BRINP3: variants seen among roughly 807,000 people sequenced by gnomAD.
The protein encoded by BRINP3 is BMP/retinoic acid-inducible neural-specific protein 3.
A neutral mutation model predicts 71.0 loss-of-function variants in BRINP3; 19 were observed. The observed-to-expected ratio is 0.27, with a 90% confidence interval of 0.19 to 0.39. The LOEUF is 0.39. Ranked by LOEUF, BRINP3 falls within the 10% of genes least tolerant of loss-of-function variation. BRINP3 has a pLI of 1.00. For synonymous variants in BRINP3, 380 were observed against 337.7 expected, an observed-to-expected ratio of 1.13 and a Z score of -1.37; for missense variants, 959 against 940.8, an observed-to-expected ratio of 1.02 and a Z score of -0.25.
intron 2 of BRINP3, among the ~76,000 whole-genome samples, chr1:190,414,263 T>C (rs1002592557): frequency 6.6e-6 from 1 of 152,150 alleles, no homozygotes; most frequent in Non-Finnish European, 1.5e-5. Flanking sequence ...CCCAGTGAAG[T>C]GCCATGTGTA....
At chr1:190,256,163 T>A (rs1481107571) in intron 4 of BRINP3, among the ~76,000 whole-genome samples, 3 of 152,190 alleles carry the variant, frequency 2.0e-5, no homozygotes, top group African/African-American at 7.2e-5. Context: ...TCTTTTCCAT[T>A]TGCTGAGGAG....
chr1:190,111,103 G>A (rs980250168), intron 7 of BRINP3, among the ~76,000 whole-genome samples: 34 of 149,752 alleles, frequency 2.3e-4, no homozygotes, highest in African/African-American at 6.9e-4. Context: ...GAGTGAACCC[G>A]GGAGGCGGAG....
chr1:190,192,736 A>G (rs1187351059), intron 6 of BRINP3, among the ~76,000 whole-genome samples: 1 of 152,124 alleles, frequency 6.6e-6, no homozygotes, highest in Non-Finnish European at 1.5e-5. Context: ...AACTGTGACA[A>G]CAGGATAAAT....
At chr1:190,470,843 G>C in intron 1 of BRINP3, among the ~76,000 whole-genome samples, 1 of 150,986 alleles carries the variant, frequency 6.6e-6, no homozygotes, top group East Asian at 1.9e-4. Context: ...CAATTTTTGG[G>C]AAAAGATATT....
chr1:190,191,772 G>C (rs1654057880), intron 6 of BRINP3, among the ~76,000 whole-genome samples: 1 of 151,950 alleles, frequency 6.6e-6, no homozygotes, highest in Non-Finnish European at 1.5e-5. Flanking sequence ...TAAAGTTTGA[G>C]AACCAGTGTC....
chr1:190,279,500 G>A (rs1662876284), intron 3 of BRINP3, among the ~76,000 whole-genome samples: 1 of 151,866 alleles, frequency 6.6e-6, no homozygotes, highest in Admixed American at 6.6e-5. Context: ...GACGGGGAGG[G>A]AGAATCAGGA....
intron 6 of BRINP3, among the ~76,000 whole-genome samples, chr1:190,195,988 G>A (rs1261003505): frequency 6.6e-6 from 1 of 152,066 alleles, no homozygotes; most frequent in African/African-American, 2.4e-5. Context: ...TAAGATAACT[G>A]TTGGCAGTTG....
At chr1:190,363,109 T>A (rs1669255982) in intron 2 of BRINP3, among the ~76,000 whole-genome samples, 1 of 152,086 alleles carries the variant, frequency 6.6e-6, no homozygotes, top group Non-Finnish European at 1.5e-5. Flanking sequence ...AAAGGAAGAA[T>A]GACTGATGTT....
chr1:190,289,549 A>G (rs1663696606), intron 2 of BRINP3, among the ~76,000 whole-genome samples: 1 of 152,124 alleles, frequency 6.6e-6, no homozygotes, highest in East Asian at 1.9e-4. Context: ...ACCTTTCAGT[A>G]TGAATCAGGC....
chr1:190,130,205 T>C (rs1328864642), intron 7 of BRINP3, among the ~76,000 whole-genome samples: 1 of 152,004 alleles, frequency 6.6e-6, no homozygotes, highest in African/African-American at 2.4e-5. Flanking sequence ...GCCTCCTTTT[T>C]ATTAATTGAC....
intron 2 of BRINP3, among the ~76,000 whole-genome samples, chr1:190,369,404 A>C (rs1206649344): frequency 6.6e-6 from 1 of 152,106 alleles, no homozygotes; most frequent in Non-Finnish European, 1.5e-5. Context: ...TAATATAATT[A>C]AGCTTTAAAT....
intron 2 of BRINP3, chr1:190,342,561 A>G (rs992211114): frequency 6.6e-6 from 1 of 151,202 alleles, no homozygotes; most frequent in African/African-American, 2.4e-5. Flanking sequence ...ATATATATAT[A>G]TATTTCCAAG....
At chr1:190,303,254 T>C (rs994124736) in intron 2 of BRINP3, among the ~76,000 whole-genome samples, 3 of 151,798 alleles carry the variant, frequency 2.0e-5, no homozygotes, top group African/African-American at 7.2e-5. Flanking sequence ...TAAACATAAA[T>C]TAAATGATAT....
intron 1 of BRINP3, among the ~76,000 whole-genome samples, chr1:190,477,195 G>A (rs921914117): frequency 1.3e-5 from 2 of 152,100 alleles, no homozygotes; most frequent in Non-Finnish European, 2.9e-5. Flanking sequence ...TAATATAAAT[G>A]AGGACAAATA....
rs369786185 is a variant in BRINP3, at chr1:190,203,421, GTA to G, written c.961+22659_961+22660del. 3.7e-3 allele frequency among the ~76,000 whole-genome samples: 537 copies of G among 144,548 alleles called. 2 individuals carry two copies. The highest frequency in any genetic ancestry group is 0.021 in the East Asian group (104 of 4,900). The allele number at this position is 144,548 out of a possible 152,430, so 94.8% of individuals were successfully genotyped here. On this transcript the variant is annotated intron_variant, in intron 6 of 7. Transcript: ENST00000367462. ...CAAATATATATATGTATGTGTGTGT[GTA>G]TATATATATATATATGTATGTGTGT...
chr1:190,296,492 C>T (rs1056461821), intron 2 of BRINP3, among the ~76,000 whole-genome samples: 5 of 152,064 alleles, frequency 3.3e-5, no homozygotes, highest in African/African-American at 1.2e-4. Flanking sequence ...AAAGCTTTTC[C>T]TTTTTAAGAT....
At chr1:190,435,147 C>T (rs1674373759) in intron 2 of BRINP3, among the ~76,000 whole-genome samples, 1 of 152,230 alleles carries the variant, frequency 6.6e-6, no homozygotes, top group South Asian at 2.1e-4. Context: ...TGCATCAGTC[C>T]TCTCACATTT....
At chr1:190,259,627 T>C (rs1660992693) in intron 4 of BRINP3, among the ~76,000 whole-genome samples, 1 of 100,030 alleles carries the variant, frequency 1.0e-5, no homozygotes, top group Non-Finnish European at 1.8e-5. Flanking sequence ...AATAAATAAA[T>C]AAATAAATAA....
At chr1:190,389,765 T>A (rs1429792165) in intron 2 of BRINP3, among the ~76,000 whole-genome samples, 1 of 151,826 alleles carries the variant, frequency 6.6e-6, no homozygotes, top group Non-Finnish European at 1.5e-5. Flanking sequence ...CAACTGACCA[T>A]GGGTTTTAGC....
Sources: allele counts gnomAD v4.1 joint callset (sites outside exome capture counted in the v4.1 genomes callset), GRCh38; gene constraint gnomAD v4.1.1; transcripts MANE v1.5; gene names NCBI Gene and HGNC (gene_info 2026-07-23, HGNC 2026-07-21).